Variants in PRSS23 observed in about 807,000 individuals in gnomAD.
The protein encoded by PRSS23 is protease, serine 23.
In PRSS23, 25 loss-of-function variants were observed where a neutral mutation model predicts 34.7. The ratio of observed to expected loss-of-function variants is 0.72; its 90% CI spans 0.53 to 1.01. The LOEUF is 1.01. Among genes scored for constraint, PRSS23 ranks in the 50% least tolerant of loss-of-function variants. The pLI is 0.00. For synonymous variants in PRSS23, 176 were observed against 186.6 expected, an observed-to-expected ratio of 0.94 and a Z score of 0.46; for missense variants, 445 against 475.6, an observed-to-expected ratio of 0.94 and a Z score of 0.60.
chr11:86,940,610 C>T (rs1949200942), intron 2 of PRSS23, among the ~76,000 whole-genome samples: 1 of 152,068 alleles, frequency 6.6e-6, no homozygotes, highest in African/African-American at 2.4e-5. Flanking sequence ...CAAACTTTTG[C>T]CGACTCCCCT....
intron 2 of PRSS23, among the ~76,000 whole-genome samples, chr11:86,846,166 C>T (rs1315717072): frequency 6.6e-6 from 1 of 152,160 alleles, no homozygotes; most frequent in African/African-American, 2.4e-5. Flanking sequence ...GTCCTTGCCT[C>T]TATCACTCAC....
At chr11:86,850,550 A>G (rs951312487) in intron 2 of PRSS23, among the ~76,000 whole-genome samples, 39 of 152,304 alleles carry the variant, frequency 2.6e-4, no homozygotes, top group East Asian at 1.9e-4. Flanking sequence ...CTTGCTTAAA[A>G]TATTCCTAAC....
At chr11:86,886,584 C>T (rs1436817720) in intron 2 of PRSS23, among the ~76,000 whole-genome samples, 1 of 152,202 alleles carries the variant, frequency 6.6e-6, no homozygotes, top group Non-Finnish European at 1.5e-5. Flanking sequence ...TAGAATTTGT[C>T]TCTCAGAGGA....
intron 2 of PRSS23, among the ~76,000 whole-genome samples, chr11:86,879,642 G>A (rs1459708690): frequency 7.3e-6 from 1 of 137,390 alleles, no homozygotes; most frequent in African/African-American, 2.7e-5. Flanking sequence ...GAGCCCCTCT[G>A]CCCGGCCAGC....
intron 2 of PRSS23, among the ~76,000 whole-genome samples, chr11:86,848,871 A>G (rs1028556683): frequency 1.3e-5 from 2 of 152,240 alleles, no homozygotes; most frequent in Admixed American, 1.3e-4. Context: ...AAAGAGGAGC[A>G]GGCCAATTGC....
At chr11:86,871,536 C>CA (rs776752130) in intron 2 of PRSS23, among the ~76,000 whole-genome samples, 3 of 152,210 alleles carry the variant, frequency 2.0e-5, no homozygotes, top group Non-Finnish European at 2.9e-5. Context: ...CTGGCCACCT[C>CA]AGTAGCCCCA....
intron 1 of PRSS23, among the ~76,000 whole-genome samples, chr11:86,805,011 A>G (rs143586924): frequency 6.6e-6 from 1 of 152,314 alleles, no homozygotes; most frequent in African/African-American, 2.4e-5. Context: ...TCTTAAGATA[A>G]GCTGAAGTAA....
At chr11:86,837,572 T>C (rs1359854711) in intron 2 of PRSS23, 2 of 152,176 alleles carry the variant, frequency 1.3e-5, no homozygotes, top group Non-Finnish European at 2.9e-5. Flanking sequence ...ATCAAGATTA[T>C]CCTGGGCAAC....
intron 1 of PRSS23, among the ~76,000 whole-genome samples, chr11:86,823,094 G>C (rs925904039): frequency 3.9e-5 from 6 of 152,252 alleles, no homozygotes; most frequent in African/African-American, 1.4e-4. Flanking sequence ...CCCGTCAGGG[G>C]ATGGGGGCAA....
intron 2 of PRSS23, among the ~76,000 whole-genome samples, chr11:86,838,710 A>G (rs2555540): frequency 0.21 from 32,408 of 152,076 alleles, 3,733 homozygotes; most frequent in East Asian, 0.46. Flanking sequence ...ACTGGGAGAC[A>G]TCTCCCAGAA....
chr11:86,812,787 C>CAAAAAAAAAAAA (rs35855610), downstream of PRSS23, among the ~76,000 whole-genome samples: 1 of 83,880 alleles, frequency 1.2e-5, no homozygotes, highest in East Asian at 3.1e-4. Flanking sequence ...GACTCTGTCT[C>CAAAAAAAAAAAA]AAAAAAAAAA....
intron 2 of PRSS23, among the ~76,000 whole-genome samples, chr11:86,932,240 C>G (rs1949131093): frequency 1.3e-5 from 2 of 152,204 alleles, no homozygotes; most frequent in African/African-American, 4.8e-5. Flanking sequence ...GGGGCAGGAG[C>G]TGCTTTTGCC....
chr11:86,881,968 A>G (rs1948775262), intron 2 of PRSS23, among the ~76,000 whole-genome samples: 1 of 152,148 alleles, frequency 6.6e-6, no homozygotes, highest in Non-Finnish European at 1.5e-5. Context: ...TTCCAGACTT[A>G]AGTGATGTGA....
chr11:86,929,379 ATGC>A (rs1949108470), intron 2 of PRSS23, among the ~76,000 whole-genome samples: 4 of 151,372 alleles, frequency 2.6e-5, no homozygotes, highest in Non-Finnish European at 5.9e-5. Context: ...GTAGTGGCTC[ATGC>A]CTATAATCCT....
intron 2 of PRSS23, chr11:86,950,981 ATGC>A: frequency 1.3e-6 from 1 of 743,510 alleles, no homozygotes; most frequent in Non-Finnish European, 2.3e-6. Context: ...TGGTTTTTTG[ATGC>A]TGGGGTCGGG....
chr11:86,920,740 C>T (rs1322994060), intron 2 of PRSS23, among the ~76,000 whole-genome samples: 1 of 152,148 alleles, frequency 6.6e-6, no homozygotes, highest in Non-Finnish European at 1.5e-5. Flanking sequence ...CATTTCTCTA[C>T]TTCCCATTGT....
At chr11:86,929,432 C>A (rs1469014749) in intron 2 of PRSS23, among the ~76,000 whole-genome samples, 5 of 152,046 alleles carry the variant, frequency 3.3e-5, no homozygotes, top group Admixed American at 6.6e-5. Context: ...CACCTGAGGT[C>A]AGGAGTTCAA....
At chr11:86,946,462 C>T (rs1190196301) in intron 2 of PRSS23, 1 of 152,186 alleles carries the variant, frequency 6.6e-6, no homozygotes, top group Admixed American at 6.5e-5. Context: ...AAAAAAGGTA[C>T]ATCAGAAACA....
chr11:86,813,042 G>A (rs969818351), downstream of PRSS23, among the ~76,000 whole-genome samples: 2 of 152,174 alleles, frequency 1.3e-5, no homozygotes, highest in Non-Finnish European at 2.9e-5. Flanking sequence ...GAGGAAGAGA[G>A]AAAGGAGACA....
Sources: gnomAD v4.1 joint callset for allele counts (sites outside exome capture counted in the v4.1 genomes callset) on GRCh38, gnomAD v4.1.1 for gene constraint, MANE v1.5 for transcripts, NCBI Gene and HGNC (gene_info 2026-07-23, HGNC 2026-07-21) for gene names.